ASIC2: variants seen among roughly 807,000 people sequenced by gnomAD.
The protein encoded by ASIC2 is acid-sensing ion channel 2.
Under a neutral mutation model 57.3 loss-of-function variants are expected in ASIC2, and 25 were observed. The observed-to-expected ratio is 0.44, with a 90% CI of 0.32 to 0.61. ASIC2 has a LOEUF of 0.61. Ranked by LOEUF, ASIC2 falls within the 20% of genes least tolerant of loss-of-function variation. The pLI is 0.06. For synonymous variants in ASIC2, 319 were observed against 307.5 expected, an observed-to-expected ratio of 1.04 and a Z score of -0.39; for missense variants, 641 against 738.1, an observed-to-expected ratio of 0.87 and a Z score of 1.52.
At chr17:33,726,207 TAGAG>T (rs1167633036) in intron 1 of ASIC2, among the ~76,000 whole-genome samples, 1 of 151,866 alleles carries the variant, frequency 6.6e-6, no homozygotes, top group African/African-American at 2.4e-5. Context: ...CCTCGAAACT[TAGAG>T]AGGAAGAGAA....
intron 1 of ASIC2, among the ~76,000 whole-genome samples, chr17:33,444,430 G>T (rs569115694): frequency 1.3e-5 from 2 of 152,344 alleles, no homozygotes; most frequent in African/African-American, 4.8e-5. Flanking sequence ...ATAGTGAGGA[G>T]TGAGTCAGGG....
At chr17:34,046,703 G>A (rs1220966098) in intron 1 of ASIC2, among the ~76,000 whole-genome samples, 1 of 152,212 alleles carries the variant, frequency 6.6e-6, no homozygotes, top group East Asian at 1.9e-4. Context: ...TACTGAATGG[G>A]AAACATAGCA....
At position 33,673,254 on chromosome 17, in the gene ASIC2, G is replaced by C. The variant is rs182356320; in HGVS notation, c.555+482724C>G. Among the ~76,000 whole-genome samples the C allele has an allele frequency of 1.3e-3, 198 of 152,234 alleles. 1 individual carries two copies. Among genetic ancestry groups the C allele is most frequent in the African/African-American group, 4.3e-3 (179 of 41,544 alleles). Reference sequence around the variant, plus strand: ...GTGAGGAGACCATTTCATTTTAACTGAGGCATAAAGGGGATGAGGAGGGCA... The same window carrying C: ...GTGAGGAGACCATTTCATTTTAACTCAGGCATAAAGGGGATGAGGAGGGCA... On this transcript the variant is annotated intron_variant, in intron 1 of 9. Coordinates refer to the ASIC2 transcript ENST00000359872.
intron 1 of ASIC2, among the ~76,000 whole-genome samples, chr17:33,970,134 T>C (rs1282469281): frequency 2.0e-5 from 3 of 152,184 alleles, no homozygotes; most frequent in Non-Finnish European, 4.4e-5. Flanking sequence ...GGAGCTGCTC[T>C]GTGGATTGTA....
chr17:33,973,890 A>G (rs1905292351), intron 1 of ASIC2, among the ~76,000 whole-genome samples: 2 of 152,104 alleles, frequency 1.3e-5, no homozygotes, highest in Non-Finnish European at 2.9e-5. Flanking sequence ...ATGCCTTGCC[A>G]GTCCCACTCC....
chr17:33,748,979 T>C (rs1262181654), intron 1 of ASIC2, among the ~76,000 whole-genome samples: 2 of 152,170 alleles, frequency 1.3e-5, no homozygotes, highest in Non-Finnish European at 2.9e-5. Flanking sequence ...AGCATGGCCC[T>C]GGGCTCAGGG....
chr17:33,458,463 TG>T (rs1912526651), intron 1 of ASIC2, among the ~76,000 whole-genome samples: 1 of 152,148 alleles, frequency 6.6e-6, no homozygotes, highest in African/African-American at 2.4e-5. Flanking sequence ...TGGGTTTTAG[TG>T]AAAGGCCAGA....
At chr17:33,772,998 A>C (rs900229880) in intron 1 of ASIC2, among the ~76,000 whole-genome samples, 2 of 152,238 alleles carry the variant, frequency 1.3e-5, no homozygotes, top group Admixed American at 6.5e-5. Context: ...TAATAAGTGG[A>C]AACGACTGTT....
At chr17:33,561,059 T>C (rs371797388) in intron 1 of ASIC2, among the ~76,000 whole-genome samples, 18 of 152,074 alleles carry the variant, frequency 1.2e-4, no homozygotes, top group Admixed American at 5.2e-4. Flanking sequence ...TCCTGGGCCA[T>C]AGGGTAATGA....
At chr17:33,189,163 C>T (rs1906315949) in intron 1 of ASIC2, among the ~76,000 whole-genome samples, 1 of 152,122 alleles carries the variant, frequency 6.6e-6, no homozygotes, top group Admixed American at 6.6e-5. Flanking sequence ...GTATTACCCA[C>T]ATCTAGTGGG....
chr17:33,291,470 C>T lies in ASIC2; in HGVS notation c.646G>A (p.Glu216Lys). 1.2e-6 allele frequency: 2 copies of T among 1,612,352 alleles called. No individual in the cohort carries two copies. Among genetic ancestry groups the T allele is most frequent in the Non-Finnish European group, 1.7e-6 (2 of 1,179,664 alleles). ...AFMDRLGHQLEDMLLSCKYRG... is the reference protein window; with the variant it reads ...AFMDRLGHQLKDMLLSCKYRG... ...TACTTGCAGGAGAGCAGCATGTCCT[C>T]CAGCTGGTGGCCCAGGCGGTCCATG... The change falls in exon 1 of 10, where the codon GAG becomes AAG. Residue 216 changes from glutamate to lysine, a missense_variant. Around this residue, in one of 3 missense-constraint regions of ASIC2, gnomAD observed 382 missense variants for 398.0 expected, o/e 0.96. Coordinates refer to ENST00000225823, the MANE Select transcript of ASIC2 (RefSeq NM_183377.2).
chr17:33,941,242 C>T (rs1916186310), intron 1 of ASIC2, among the ~76,000 whole-genome samples: 1 of 152,198 alleles, frequency 6.6e-6, no homozygotes, highest in African/African-American at 2.4e-5. Context: ...AGGAAGGACA[C>T]TTGCAGCCCA....
At chr17:33,185,561 G>A (rs191878027) in intron 1 of ASIC2, among the ~76,000 whole-genome samples, 1 of 152,210 alleles carries the variant, frequency 6.6e-6, no homozygotes, top group East Asian at 1.9e-4. Flanking sequence ...TGGAGGGAGG[G>A]AGAACCCTAG....
At chr17:33,744,220 G>T (rs969372166) in intron 1 of ASIC2, among the ~76,000 whole-genome samples, 13 of 152,174 alleles carry the variant, frequency 8.5e-5, no homozygotes, top group Non-Finnish European at 1.8e-4. Context: ...CCCTGCTAGG[G>T]TCAGAGCAAA....
intron 1 of ASIC2, among the ~76,000 whole-genome samples, chr17:34,100,743 T>C (rs981840904): frequency 6.6e-6 from 1 of 152,190 alleles, no homozygotes; most frequent in African/African-American, 2.4e-5. Context: ...TTGAAATCTC[T>C]TCCCTTTAAG....
intron 1 of ASIC2, among the ~76,000 whole-genome samples, chr17:33,486,162 A>G (rs917041622): frequency 1.3e-5 from 2 of 152,212 alleles, no homozygotes; most frequent in Admixed American, 6.5e-5. Flanking sequence ...TTGACCCAGG[A>G]ATCCCCAGAC....
intron 1 of ASIC2, among the ~76,000 whole-genome samples, chr17:33,511,011 C>T (rs1239786068): frequency 6.6e-6 from 1 of 152,212 alleles, no homozygotes; most frequent in Admixed American, 6.5e-5. Flanking sequence ...GCAATTATTA[C>T]AGATTTTCAC....
chr17:34,123,387 T>A (rs879860504), intron 1 of ASIC2, among the ~76,000 whole-genome samples: 1 of 152,106 alleles, frequency 6.6e-6, no homozygotes, highest in Non-Finnish European at 1.5e-5. Context: ...TGCTTCCCTA[T>A]CACCTCCTGC....
rs943413927 is a variant in ASIC2 at position 33,337,431 on chromosome 17, T to C, written c.556-225364A>G. On this transcript the variant is annotated intron_variant, in intron 1 of 9. Transcript: ENST00000359872. Reference sequence around the variant, plus strand: ...TGATGACAGGATGAGGATTTTAACCTTGCGGTGGTCTGAATCCAAAGTCCT... The same window carrying C: ...TGATGACAGGATGAGGATTTTAACCCTGCGGTGGTCTGAATCCAAAGTCCT... Among the ~76,000 whole-genome samples the C allele has an allele frequency of 4.9e-4, 22 of 44,954 alleles. No homozygotes were observed. The East Asian group carries it at 0.36, about 740-fold the overall frequency. The allele number at this position is 44,954 out of a possible 152,430, so 29.5% of individuals were successfully genotyped here. A position where few individuals can be genotyped will look rare whatever the true frequency, so the allele number is the denominator to read the frequency against.
Sources: gnomAD v4.1 joint callset for allele counts (sites outside exome capture counted in the v4.1 genomes callset) on GRCh38, gnomAD v4.1.1 for gene constraint, gnomAD v4.1.1 regional missense constraint, MANE v1.5 for transcripts, NCBI Gene and HGNC (gene_info 2026-07-23, HGNC 2026-07-21) for gene names.